NRP2: variants seen among roughly 807,000 people sequenced by gnomAD.
NRP2 encodes the protein neuropilin 2.
NRP2 carries 52 observed loss-of-function variants against 110.4 expected under a neutral mutation model. The ratio of observed to expected loss-of-function variants is 0.47; its 90% confidence interval spans 0.38 to 0.59. NRP2 has a LOEUF of 0.59. Ranked by LOEUF, NRP2 falls within the 20% of genes least tolerant of loss-of-function variation. The pLI, the probability that NRP2 is intolerant of heterozygous loss-of-function variation, is 0.00. For synonymous variants in NRP2, 508 were observed against 468.9 expected (o/e 1.08, Z -1.08); for missense variants, 1,049 against 1,203.0 (o/e 0.87, Z 1.89).
At chr2:205,776,056 G>C (rs1031292658) in intron 15 of NRP2, 1 of 745,636 alleles carries the variant, frequency 1.3e-6, no homozygotes, top group African/African-American at 1.7e-5. Flanking sequence ...CTCCCAAGGG[G>C]GTAAGTAGGA....
chr2:205,753,122 A>C (rs1016619889), intron 12 of NRP2, 147 bp downstream of exon 12: 15 of 1,099,328 alleles, frequency 1.4e-5, no homozygotes, highest in Non-Finnish European at 1.9e-5. Context: ...GTCTTTGCTC[A>C]AGACGTCACC....
At chr2:205,794,655 A>C (rs2058335586) in intron 16 of NRP2, 99 bp from the exon 17 acceptor site, 4 of 1,215,238 alleles carry the variant, frequency 3.3e-6, no homozygotes, top group South Asian at 2.4e-5. Context: ...GCTGCTGCTA[A>C]CTACTGTGCT....
At chr2:205,758,529 A>G (rs1000904000) in intron 12 of NRP2, among the ~76,000 whole-genome samples, 3 of 152,232 alleles carry the variant, frequency 2.0e-5, no homozygotes, top group Non-Finnish European at 4.4e-5. Flanking sequence ...AGACAGCAGC[A>G]GGTTAAAATG....
chr2:205,788,126 A>G (rs1379853017), intron 15 of NRP2, among the ~76,000 whole-genome samples: 1 of 152,122 alleles, frequency 6.6e-6, no homozygotes, highest in African/African-American at 2.4e-5. Flanking sequence ...GGACAGCAGG[A>G]GATCAGTGAG....
chr2:205,691,413 G>A (rs2056313557), intron 1 of NRP2, among the ~76,000 whole-genome samples: 1 of 152,118 alleles, frequency 6.6e-6, no homozygotes, highest in South Asian at 2.1e-4. Flanking sequence ...AATGGATGCT[G>A]GGTTGGTTTG....
chr2:205,698,366 T>C (rs936185199), intron 2 of NRP2, among the ~76,000 whole-genome samples: 10 of 152,206 alleles, frequency 6.6e-5, no homozygotes, highest in African/African-American at 2.4e-4. Flanking sequence ...CCATTTACTT[T>C]GCACAGTGGG....
At chr2:205,790,162 G>A (rs2058282908) in intron 15 of NRP2, among the ~76,000 whole-genome samples, 1 of 152,088 alleles carries the variant, frequency 6.6e-6, no homozygotes, top group Non-Finnish European at 1.5e-5. Flanking sequence ...GATTCTCCAG[G>A]TGCAGAAATC....
chr2:205,743,683 A>G, intron 9 of NRP2, 131 bp downstream of exon 9: 5 of 1,464,234 alleles, frequency 3.4e-6, no homozygotes, highest in Non-Finnish European at 4.5e-6. Context: ...TAAAACAAAT[A>G]TCGTTTGAGA....
intron 7 of NRP2, among the ~76,000 whole-genome samples, chr2:205,732,324 T>G (rs2057256200): frequency 6.6e-6 from 1 of 152,242 alleles, no homozygotes; most frequent in Non-Finnish European, 1.5e-5. Context: ...AAATCCTCTA[T>G]CCCATATTTA....
At position 205,717,336 on chromosome 2, in the gene NRP2, G is replaced by A. The variant is rs182726631; in HGVS notation, c.433+962G>A. Among the ~76,000 whole-genome samples, 14 of 152,324 alleles carry A rather than the reference G, an allele frequency of 9.2e-5. No individual in the cohort carries two copies. The East Asian group carries it at 2.3e-3, about 25-fold the overall frequency. ...TCGTGGATGGAGTCTGGTTCGAGGG[G>A]AGGTTGTCAGCCTTGTCATCAAGAG... On this transcript the variant is annotated intron_variant, in intron 3 of 16. Coordinates refer to ENST00000357785, the MANE Select transcript of NRP2 (RefSeq NM_003872.3).
At chr2:205,770,930 G>C (rs767199158) in intron 15 of NRP2, among the ~76,000 whole-genome samples, 35 of 152,132 alleles carry the variant, frequency 2.3e-4, no homozygotes, top group Non-Finnish European at 1.5e-4. Flanking sequence ...CACCTCTCCT[G>C]CTACAGAGGC....
intron 1 of NRP2, among the ~76,000 whole-genome samples, chr2:205,694,102 T>A (rs891166217): frequency 4.6e-5 from 7 of 152,178 alleles, no homozygotes; most frequent in African/African-American, 1.7e-4. Flanking sequence ...GGGTACAACA[T>A]CCCTTTGCCT....
chr2:205,735,077 C>T (rs116267137), intron 7 of NRP2, among the ~76,000 whole-genome samples: 4,138 of 152,268 alleles, frequency 0.027, 135 homozygotes, highest in African/African-American at 0.079. Context: ...AAACAGCCAG[C>T]CGTGTCTCTC....
At chr2:205,733,696 T>C (rs1220100043) in intron 7 of NRP2, among the ~76,000 whole-genome samples, 5 of 152,024 alleles carry the variant, frequency 3.3e-5, no homozygotes, top group Admixed American at 1.3e-4. Flanking sequence ...TGTCCTAGAA[T>C]GTCCGAGTTT....
intron 9 of NRP2, 102 bp downstream of exon 9, chr2:205,743,654 T>C: frequency 6.6e-7 from 1 of 1,513,076 alleles, no homozygotes; most frequent in Non-Finnish European, 8.9e-7. Flanking sequence ...ACAGTCGTCA[T>C]CCAACTCCTG....
intron 7 of NRP2, among the ~76,000 whole-genome samples, chr2:205,730,308 G>A (rs533562809): frequency 1.7e-4 from 26 of 151,748 alleles, no homozygotes; most frequent in East Asian, 9.7e-4. Flanking sequence ...TGAGTGAACC[G>A]TGCCAAATAG....
chr2:205,708,369 C>T (rs375844808), intron 2 of NRP2, among the ~76,000 whole-genome samples: 1 of 152,214 alleles, frequency 6.6e-6, no homozygotes, highest in Non-Finnish European at 1.5e-5. Context: ...CGTGACCACA[C>T]GGCCTCAGGA....
rs186019058 is a variant in NRP2, at chr2:205,767,927, G to A, written c.2425+1124G>A. On this transcript the variant is annotated intron_variant, in intron 15 of 16. Transcript: ENST00000357785. ...AAGGGCAGCCATTTTTATATCTGCC[G>A]TCTAGACTCGTTATCTTCACTCTCA... 9.4e-4 allele frequency: 144 copies of A among 152,966 alleles called. No individual in the cohort carries two copies. In the Middle Eastern group the frequency reaches 0.014, roughly 14 times the overall value. The allele number at this position is 152,966 out of a possible 1,614,324, so 9.5% of individuals were successfully genotyped here. A position where few individuals can be genotyped will look rare whatever the true frequency, so the allele number is the denominator to read the frequency against.
Position 205,693,216 on chromosome 2 carries a change from G to A in NRP2, c.74-4328G>A, listed in dbSNP as rs142215973. Reference sequence around the variant, plus strand: ...AAAGTATATTATTTTCAGAGGAAATGAGACCGATTGCTTTTCTCCACTAAG... The same window carrying A: ...AAAGTATATTATTTTCAGAGGAAATAAGACCGATTGCTTTTCTCCACTAAG... On this transcript the variant is annotated intron_variant, in intron 1 of 16. Transcript: ENST00000357785. Among the ~76,000 whole-genome samples, 393 of 152,334 alleles carry A rather than the reference G, an allele frequency of 2.6e-3. 2 individuals carry two copies. The highest frequency in any genetic ancestry group is 4.4e-3 in the Non-Finnish European group (302 of 68,030).
Sources: gnomAD v4.1 joint callset for allele counts (sites outside exome capture counted in the v4.1 genomes callset) on GRCh38, gnomAD v4.1.1 for gene constraint, MANE v1.5 for transcripts, NCBI Gene and HGNC (gene_info 2026-07-23, HGNC 2026-07-21) for gene names.